The following ENPP2 variants were observed in gnomAD, a reference collection of about 807,000 sequenced individuals.
The protein encoded by ENPP2 is ectonucleotide pyrophosphatase/phosphodiesterase 2.
Under a neutral mutation model 120.2 loss-of-function variants are expected in ENPP2, and 51 were observed. The ratio of observed to expected loss-of-function variants is 0.42; its 90% CI spans 0.34 to 0.54. ENPP2 has a LOEUF of 0.54. Among genes scored for constraint, ENPP2 ranks in the 20% least tolerant of loss-of-function variants. The probability of loss-of-function intolerance (pLI) is 0.04; values close to 1 mark genes in which losing one functional copy is unlikely to be tolerated. For missense variants in ENPP2, 920 were observed against 1,066.5 expected (o/e 0.86, Z 1.91); for synonymous variants, 365 against 366.4 (o/e 1.00, Z 0.04).
At chr8:119,587,521 C>T (rs1247646382) in intron 13 of ENPP2, among the ~76,000 whole-genome samples, 2 of 152,168 alleles carry the variant, frequency 1.3e-5, no homozygotes, top group East Asian at 1.9e-4. Context: ...TAAGTTGAAA[C>T]TTCTAATCCA....
chr8:119,589,081 T>C (rs1045802964), intron 13 of ENPP2, among the ~76,000 whole-genome samples: 11 of 152,236 alleles, frequency 7.2e-5, no homozygotes, highest in South Asian at 4.1e-4. Context: ...TGTGTATGTG[T>C]GTGTGTCTCT....
intron 8 of ENPP2, among the ~76,000 whole-genome samples, chr8:119,612,675 A>G (rs77800640): frequency 4.9e-4 from 74 of 152,294 alleles, no homozygotes; most frequent in Non-Finnish European, 8.7e-4. Context: ...ACCTTGCTTG[A>G]GCTCAGAAGT....
At chr8:119,669,521 T>G (rs757159354) in intron 1 of ENPP2, among the ~76,000 whole-genome samples, 1 of 152,212 alleles carries the variant, frequency 6.6e-6, no homozygotes, top group Non-Finnish European at 1.5e-5. Flanking sequence ...CACATGATAT[T>G]GGGATCATCT....
intron 1 of ENPP2, among the ~76,000 whole-genome samples, chr8:119,650,754 T>C (rs1240720988): frequency 6.6e-6 from 1 of 152,170 alleles, no homozygotes; most frequent in Non-Finnish European, 1.5e-5. Context: ...TTAGAAGAAC[T>C]GGGAGTTTGT....
rs563643210 is a variant in ENPP2 at position 119,561,998 on chromosome 8, G to A, written c.2421+859C>T. Among the ~76,000 whole-genome samples, 96 of 152,140 alleles carry A rather than the reference G, an allele frequency of 6.3e-4. No homozygotes were observed. In the Middle Eastern group the frequency reaches 0.024, roughly 38 times the overall value. ...CTAAAAATACAAAAATTAGCTGTGCGTGGTGGTGGGCGCCTATAGTCCCAG... is the reference window on the plus strand; with the variant it reads ...CTAAAAATACAAAAATTAGCTGTGCATGGTGGTGGGCGCCTATAGTCCCAG... On this transcript the variant is annotated intron_variant, in intron 24 of 24. Transcript: ENST00000075322.
At position 119,613,977 on chromosome 8, in the gene ENPP2, C is replaced by T. The variant is rs574932129; in HGVS notation, c.777+2288G>A. Reference sequence around the variant, plus strand: ...CACCCTACTGTATAATAGAATAGAACAATACTTTGTCTATATGTTTTTCCA... The same window carrying T: ...CACCCTACTGTATAATAGAATAGAATAATACTTTGTCTATATGTTTTTCCA... On this transcript the variant is annotated intron_variant, in intron 8 of 24. Coordinates refer to ENST00000075322, the MANE Select transcript of ENPP2 (RefSeq NM_001040092.3). Among the ~76,000 whole-genome samples, 140 of 149,080 alleles carry T rather than the reference C, an allele frequency of 9.4e-4. 1 individual carries two copies. Among genetic ancestry groups the T allele is most frequent in the Admixed American group, 2.4e-3 (36 of 14,950 alleles).
At chr8:119,610,606 T>TAA (rs781524667) in intron 8 of ENPP2, among the ~76,000 whole-genome samples, 6 of 147,596 alleles carry the variant, frequency 4.1e-5, no homozygotes, top group Non-Finnish European at 7.5e-5. Context: ...GAGGGTAGTT[T>TAA]AAAAAAAAAA....
chr8:119,561,815 T>TTTGTGTG (rs1813965848), intron 24 of ENPP2, among the ~76,000 whole-genome samples: 1 of 121,652 alleles, frequency 8.2e-6, no homozygotes, highest in Non-Finnish European at 1.8e-5. Context: ...GTGTGTGTGT[T>TTTGTGTG]TGTGTGTGTG....
Position 119,600,737 on chromosome 8 carries a change from C to T in ENPP2, c.913G>A (p.Ala305Thr). 3 of 1,610,246 alleles carry T rather than the reference C, an allele frequency of 1.9e-6. No individual in the cohort carries two copies. Among genetic ancestry groups the T allele is most frequent in the Non-Finnish European group, 2.5e-6 (3 of 1,176,614 alleles). The change falls in exon 11 of 25, where the codon GCC becomes ACC. Residue 305 changes from alanine to threonine, a missense_variant. Ala to Thr is a moderately conservative substitution (Grantham distance 58, BLOSUM62 0). Coordinates refer to ENST00000075322, the MANE Select transcript of ENPP2 (RefSeq NM_001040092.3). ...LPDHERPSVYAFYSEQPDFSG... is the reference protein window; with the variant it reads ...LPDHERPSVYTFYSEQPDFSG... Reference sequence around the variant, plus strand: ...AAATCAGGTTGCTCAGAATAGAAGGCATAGACCGAAGGCCTATAAGAAAAT... The same window carrying T: ...AAATCAGGTTGCTCAGAATAGAAGGTATAGACCGAAGGCCTATAAGAAAAT...
Position 119,590,618 on chromosome 8 carries a change from A to G in ENPP2, c.1094T>C (p.Val365Ala). The change falls in exon 13 of 25, where the codon GTC becomes GCC. Residue 365 changes from valine to alanine, a missense_variant. Val to Ala is a moderately conservative substitution (Grantham distance 64). Transcript: ENST00000075322. ...IFVGDHGMEDVTCDRTEFLSN... is the reference protein window; with the variant it reads ...IFVGDHGMEDATCDRTEFLSN... ...CAAGAACTCAGTTCTATCACATGTGACATCTTCCATTCCTATGGGGAGGGA... is the reference window on the plus strand; with the variant it reads ...CAAGAACTCAGTTCTATCACATGTGGCATCTTCCATTCCTATGGGGAGGGA... 2 of 1,552,752 alleles carry G rather than the reference A, an allele frequency of 1.3e-6. No individual in the cohort carries two copies. Among genetic ancestry groups the G allele is most frequent in the Non-Finnish European group, 1.7e-6 (2 of 1,149,132 alleles).
At chr8:119,668,574 A>G (rs1989353) in intron 1 of ENPP2, among the ~76,000 whole-genome samples, 96,939 of 151,284 alleles carry the variant, frequency 0.64, 32,443 homozygotes, top group African/African-American at 0.83. Flanking sequence ...GACTACAGGC[A>G]CTTGCCACCA....
At chr8:119,568,113 G>A in intron 22 of ENPP2, 62 bp downstream of exon 22, 4 of 856,698 alleles carry the variant, frequency 4.7e-6, no homozygotes, top group South Asian at 4.2e-5. Context: ...AAAAGGTAAG[G>A]GGTAAATTTA....
intron 1 of ENPP2, among the ~76,000 whole-genome samples, chr8:119,662,974 A>T (rs1161901529): frequency 1.3e-5 from 2 of 151,968 alleles, no homozygotes; most frequent in Non-Finnish European, 2.9e-5. Context: ...TAAATTGGCC[A>T]GGTGTGATGG....
At chr8:119,562,492 A>G (rs979515900) in intron 24 of ENPP2, among the ~76,000 whole-genome samples, 1 of 152,206 alleles carries the variant, frequency 6.6e-6, no homozygotes, top group Non-Finnish European at 1.5e-5. Context: ...GAAGTGAGAA[A>G]TAAAATTCCA....
chr8:119,639,458 T>C (rs1401677417), upstream of ENPP2, among the ~76,000 whole-genome samples: 1 of 152,188 alleles, frequency 6.6e-6, no homozygotes, highest in African/African-American at 2.4e-5. Context: ...TTCCCCATGC[T>C]GTGGTTCAAG....
At chr8:119,587,020 G>T in intron 14 of ENPP2, 24 bp downstream of exon 14, 1 of 1,606,514 alleles carries the variant, frequency 6.2e-7, no homozygotes, top group Non-Finnish European at 8.5e-7. Context: ...GCAGGGCAGA[G>T]GCGGGACAAC....
chr8:119,619,309 A>G lies in ENPP2; in HGVS notation c.419-5T>C. The stretch of plus-strand genomic sequence containing the variant: ...CATCAACCCAATGCGACTCTCCTAT[A>G]AGGAAAAATGGGTAAATGTATTGTT... On this transcript the variant is annotated splice_region_variant and splice_polypyrimidine_tract_variant and intron_variant, in intron 4 of 24. Transcript: ENST00000075322. The G allele has an allele frequency of 6.2e-7, 1 of 1,601,146 alleles. No homozygotes were observed. The highest frequency in any genetic ancestry group is 8.6e-7 in the Non-Finnish European group (1 of 1,168,594).
chr8:119,584,799 G>T (rs1812993332), intron 15 of ENPP2, among the ~76,000 whole-genome samples: 1 of 152,134 alleles, frequency 6.6e-6, no homozygotes, highest in South Asian at 2.1e-4. Flanking sequence ...TTCCAAAATA[G>T]CTTTCATGTT....
At chr8:119,618,197 G>A in intron 5 of ENPP2, 1 of 411,804 alleles carries the variant, frequency 2.4e-6, no homozygotes, top group South Asian at 1.8e-5. Flanking sequence ...TATCAAGGCT[G>A]CCCTTTCTGC....
Sources: gnomAD v4.1 joint callset for allele counts (sites outside exome capture counted in the v4.1 genomes callset) on GRCh38, gnomAD v4.1.1 for gene constraint, MANE v1.5 for transcripts, NCBI Gene and HGNC (gene_info 2026-07-23, HGNC 2026-07-21) for gene names.